The following RPTOR variants were observed in gnomAD, a reference collection of about 807,000 sequenced individuals.
RPTOR encodes regulatory associated protein of MTOR complex 1.
Under a neutral mutation model 169.9 loss-of-function variants are expected in RPTOR, and 21 were observed. That is an observed-to-expected ratio of 0.12 (90% CI 0.09 to 0.18). The LOEUF (loss-of-function observed/expected upper bound fraction) is 0.18. Among genes scored for constraint, RPTOR ranks in the 10% least tolerant of loss-of-function variants. The pLI is 1.00. For synonymous variants in RPTOR, 732 were observed against 753.2 expected, an observed-to-expected ratio of 0.97 and a Z score of 0.46; for missense variants, 1,133 against 1,855.9, an observed-to-expected ratio of 0.61 and a Z score of 7.16.
At chr17:80,795,772 T>C (rs565251734) in intron 7 of RPTOR, among the ~76,000 whole-genome samples, 1 of 152,224 alleles carries the variant, frequency 6.6e-6, no homozygotes, top group African/African-American at 2.4e-5. Flanking sequence ...GTCTCTGTCC[T>C]GCAGAATGGA....
At chr17:80,550,895 TTA>T (rs1444457129) in intron 1 of RPTOR, among the ~76,000 whole-genome samples, 1 of 152,132 alleles carries the variant, frequency 6.6e-6, no homozygotes, top group Non-Finnish European at 1.5e-5. Flanking sequence ...GAGGGATCTT[TTA>T]TTTATTTTGA....
chr17:80,928,123 C>T (rs904264231), intron 24 of RPTOR, among the ~76,000 whole-genome samples: 4 of 152,154 alleles, frequency 2.6e-5, no homozygotes, highest in East Asian at 1.9e-4. Context: ...TGGAAAAGAG[C>T]GCCGTGTTGT....
intron 1 of RPTOR, among the ~76,000 whole-genome samples, chr17:80,586,056 G>A (rs1244653445): frequency 6.6e-6 from 1 of 152,000 alleles, no homozygotes; most frequent in African/African-American, 2.4e-5. Context: ...GCAGTTTGTC[G>A]GGAGGCGCTC....
At chr17:80,961,369 G>A (rs1313372341) in intron 30 of RPTOR, 25 bp from the exon 31 acceptor site, 6 of 1,540,420 alleles carry the variant, frequency 3.9e-6, no homozygotes, top group Admixed American at 4.0e-5. Context: ...GAAGCCCCAC[G>A]CTGAGCGTGC....
intron 3 of RPTOR, among the ~76,000 whole-genome samples, chr17:80,704,371 C>T (rs182903561): frequency 6.0e-4 from 91 of 152,268 alleles, no homozygotes; most frequent in African/African-American, 1.9e-3. Flanking sequence ...ACTCAGTGGC[C>T]TGGTTCTGTC....
intron 1 of RPTOR, among the ~76,000 whole-genome samples, chr17:80,606,883 A>G (rs1258572497): frequency 6.6e-6 from 1 of 152,144 alleles, no homozygotes; most frequent in East Asian, 1.9e-4. Context: ...CCTCTTAGCA[A>G]TCAGCAGGCA....
At chr17:80,789,930 C>T (rs896851997) in intron 6 of RPTOR, among the ~76,000 whole-genome samples, 2 of 152,186 alleles carry the variant, frequency 1.3e-5, no homozygotes, top group African/African-American at 4.8e-5. Context: ...CTAGAAATCC[C>T]AATCAGTAAG....
intron 1 of RPTOR, among the ~76,000 whole-genome samples, chr17:80,590,782 G>GT (rs1177702777): frequency 6.6e-6 from 1 of 152,134 alleles, no homozygotes; most frequent in Admixed American, 6.5e-5. Flanking sequence ...TTCCTGTACA[G>GT]TTTTTGTTGG....
At chr17:80,927,614 C>CG (rs2068826215) in intron 24 of RPTOR, among the ~76,000 whole-genome samples, 5 of 19,738 alleles carry the variant, frequency 2.5e-4, no homozygotes, top group Non-Finnish European at 1.2e-4. Context: ...GTGTGTCTGT[C>CG]TGTCTGTCTG....
chr17:80,660,103 T>C (rs1309221550), intron 3 of RPTOR, among the ~76,000 whole-genome samples: 1 of 151,984 alleles, frequency 6.6e-6, no homozygotes, highest in East Asian at 1.9e-4. Flanking sequence ...AAACCCTGTC[T>C]CTACTAAAAA....
intron 6 of RPTOR, among the ~76,000 whole-genome samples, chr17:80,790,689 G>T (rs1027038543): frequency 6.6e-6 from 1 of 152,164 alleles, no homozygotes; most frequent in Admixed American, 6.5e-5. Context: ...CCAACAGTCC[G>T]CGAGTGTGTT....
chr17:80,780,206 A>G (rs575379538), intron 6 of RPTOR, among the ~76,000 whole-genome samples: 43 of 152,328 alleles, frequency 2.8e-4, no homozygotes, highest in Admixed American at 2.7e-3. Context: ...AAATGTCGCA[A>G]TCACAAGAAG....
intron 10 of RPTOR, among the ~76,000 whole-genome samples, chr17:80,842,600 G>T (rs897283280): frequency 6.6e-5 from 10 of 152,244 alleles, no homozygotes; most frequent in Non-Finnish European, 1.3e-4. Context: ...GGTTCAGTAT[G>T]AAAAGGTATT....
intron 9 of RPTOR, among the ~76,000 whole-genome samples, chr17:80,835,200 A>G (rs935725916): frequency 5.3e-5 from 8 of 152,184 alleles, no homozygotes; most frequent in Non-Finnish European, 7.3e-5. Context: ...AATATATTTC[A>G]TATATTTGAA....
chr17:80,825,089 C>T (rs1022201338), intron 9 of RPTOR, among the ~76,000 whole-genome samples: 6 of 148,636 alleles, frequency 4.0e-5, no homozygotes, highest in Non-Finnish European at 3.0e-5. Flanking sequence ...CTAGAGGCCA[C>T]GTGGCGAGGT....
chr17:80,762,040 C>T (rs927017576), intron 6 of RPTOR, among the ~76,000 whole-genome samples: 4 of 152,150 alleles, frequency 2.6e-5, no homozygotes, highest in African/African-American at 4.8e-5. Context: ...GCTTCCAGGC[C>T]GTTTCCAGAG....
chr17:80,773,500 T>G (rs933758983), intron 6 of RPTOR, among the ~76,000 whole-genome samples: 1 of 152,230 alleles, frequency 6.6e-6, no homozygotes, highest in Non-Finnish European at 1.5e-5. Context: ...TTGTTGGACT[T>G]AAAGTTTGTT....
At chr17:80,858,209 C>T in intron 13 of RPTOR, 2 of 396,446 alleles carry the variant, frequency 5.0e-6, no homozygotes, top group Non-Finnish European at 9.4e-6. Flanking sequence ...CTGTGTCTGA[C>T]CCCCGTAAGG....
Position 80,820,276 on chromosome 17 carries a change from G to A in RPTOR, c.891-1925G>A, listed in dbSNP as rs1446514224. Among the ~76,000 whole-genome samples the A allele has an allele frequency of 6.6e-6, 1 of 152,120 alleles. No individual in the cohort carries two copies. ...GTGTTTTTGCGGAACAGTTATTGACGATCTTGTCAGTCATTTCATTAAAAC... is the reference window on the plus strand; with the variant it reads ...GTGTTTTTGCGGAACAGTTATTGACAATCTTGTCAGTCATTTCATTAAAAC... On this transcript the variant is annotated intron_variant, in intron 7 of 33. Transcript: ENST00000306801. The surrounding 1 kb of genome is among the most constrained non-coding windows in gnomAD (Gnocchi z 4.1).
Sources: allele counts gnomAD v4.1 joint callset (sites outside exome capture counted in the v4.1 genomes callset), GRCh38; gene constraint gnomAD v4.1.1; non-coding constraint Gnocchi (gnomAD v3.1); transcripts MANE v1.5; gene names NCBI Gene and HGNC (gene_info 2026-07-23, HGNC 2026-07-21).